The following EPHA6 variants were observed in gnomAD, a reference collection of about 807,000 sequenced individuals.
EPHA6 encodes EPH receptor A6.
In EPHA6, 50 loss-of-function variants were observed where a neutral mutation model predicts 112.0. That is an observed-to-expected ratio of 0.45 (90% CI 0.36 to 0.56). The LOEUF (loss-of-function observed/expected upper bound fraction) is 0.56. EPHA6 is among the 20% of genes least tolerant of loss of function. The pLI, the probability that EPHA6 is intolerant of heterozygous loss-of-function variation, is 0.00. For synonymous variants in EPHA6, 529 were observed against 490.7 expected (o/e 1.08, Z -1.03); for missense variants, 1,280 against 1,417.4 (o/e 0.90, Z 1.56).
At position 97,747,420 on chromosome 3, in the gene EPHA6, C is replaced by T; in HGVS notation, c.3129-3C>T. On this transcript the variant is annotated splice_region_variant and splice_polypyrimidine_tract_variant and intron_variant, in intron 16 of 17. Coordinates refer to ENST00000389672, the MANE Select transcript of EPHA6 (RefSeq NM_001080448.3). ...TGTTTTGTTTTGTTTTGTTTTCTTACAGAATGCCAGAGTCCCCTGGTGAAG... is the reference window on the plus strand; with the variant it reads ...TGTTTTGTTTTGTTTTGTTTTCTTATAGAATGCCAGAGTCCCCTGGTGAAG... The T allele has an allele frequency of 1.3e-6, 2 of 1,528,522 alleles. No individual in the cohort carries two copies. Among genetic ancestry groups the T allele is most frequent in the Admixed American group, 2.2e-5 (1 of 45,872 alleles). The allele number at this position is 1,528,522 out of a possible 1,614,324, so 94.7% of individuals were successfully genotyped here. A position where few individuals can be genotyped will look rare whatever the true frequency, so the allele number is the denominator to read the frequency against.
At chr3:97,104,276 G>A (rs567279554) in intron 3 of EPHA6, among the ~76,000 whole-genome samples, 1 of 152,228 alleles carries the variant, frequency 6.6e-6, no homozygotes, top group South Asian at 2.1e-4. Flanking sequence ...GATGTTGGCT[G>A]CAAGTTTGTC....
chr3:97,288,993 G>T (rs2080582356), intron 5 of EPHA6, among the ~76,000 whole-genome samples: 1 of 104,486 alleles, frequency 9.6e-6, no homozygotes, highest in African/African-American at 3.7e-5. Flanking sequence ...TTAGACTTTT[G>T]TCAGATACAT....
chr3:97,084,396 C>A (rs2046828710), intron 3 of EPHA6, among the ~76,000 whole-genome samples: 1 of 151,556 alleles, frequency 6.6e-6, no homozygotes, highest in Non-Finnish European at 1.5e-5. Flanking sequence ...CTTGGAATAA[C>A]ACAGACTCCT....
At chr3:97,554,729 C>T (rs183573145) in intron 11 of EPHA6, among the ~76,000 whole-genome samples, 2 of 152,074 alleles carry the variant, frequency 1.3e-5, no homozygotes, top group Admixed American at 1.3e-4. Flanking sequence ...AGAACAGTTC[C>T]TTGTGTCTGT....
At chr3:97,242,594 A>G (rs555523805) in intron 4 of EPHA6, among the ~76,000 whole-genome samples, 1 of 151,998 alleles carries the variant, frequency 6.6e-6, no homozygotes, top group East Asian at 1.9e-4. Context: ...AATGTCTACC[A>G]TGTCTTATCT....
chr3:97,570,023 G>A (rs1315076700), intron 11 of EPHA6: 2 of 151,866 alleles, frequency 1.3e-5, no homozygotes, highest in East Asian at 3.9e-4. Flanking sequence ...GTGTAGAATC[G>A]ACTCACACTG....
chr3:97,316,887 G>A (rs1343025520), intron 5 of EPHA6, among the ~76,000 whole-genome samples: 1 of 151,926 alleles, frequency 6.6e-6, no homozygotes, highest in East Asian at 1.9e-4. Context: ...GAGCCCAGAT[G>A]TTGTTAATTA....
intron 14 of EPHA6, among the ~76,000 whole-genome samples, chr3:97,650,665 A>T (rs2094101647): frequency 6.6e-6 from 1 of 151,928 alleles, no homozygotes; most frequent in Non-Finnish European, 1.5e-5. Flanking sequence ...AACCTAAAAA[A>T]CAAAAACAAG....
At chr3:97,533,439 A>G (rs961274404) in intron 11 of EPHA6, among the ~76,000 whole-genome samples, 3 of 152,138 alleles carry the variant, frequency 2.0e-5, no homozygotes, top group Non-Finnish European at 2.9e-5. Flanking sequence ...CTCACAAGGC[A>G]TTGTCCAACA....
intron 10 of EPHA6, among the ~76,000 whole-genome samples, chr3:97,496,775 A>G (rs1364789264): frequency 6.6e-6 from 1 of 152,054 alleles, no homozygotes; most frequent in Non-Finnish European, 1.5e-5. Flanking sequence ...GTAGGCTGAA[A>G]GTGAATTACC....
intron 2 of EPHA6, among the ~76,000 whole-genome samples, chr3:96,940,123 C>A (rs1206924923): frequency 6.6e-6 from 1 of 152,132 alleles, no homozygotes; most frequent in Non-Finnish European, 1.5e-5. Context: ...ATTAGGTCCA[C>A]TTGGTGCAGA....
intron 3 of EPHA6, among the ~76,000 whole-genome samples, chr3:97,099,978 TAAAAAC>T (rs2047355787): frequency 6.6e-6 from 1 of 151,984 alleles, no homozygotes; most frequent in South Asian, 2.1e-4. Flanking sequence ...TGGAGAAAAT[TAAAAAC>T]AAAGGAGTGT....
chr3:97,243,941 C>A lies in EPHA6; in HGVS notation c.1271-11C>A, dbSNP rs1327165910. ...TATATGTACATTTGTTTTTTAATTG[C>A]TTTTCTCTAGGGCCACCTTCAGCTC... On this transcript the variant is annotated splice_polypyrimidine_tract_variant and intron_variant, in intron 4 of 17. Coordinates refer to ENST00000389672, the MANE Select transcript of EPHA6 (RefSeq NM_001080448.3). 1 of 1,576,704 alleles carries A rather than the reference C, an allele frequency of 6.3e-7. No homozygotes were observed. Among genetic ancestry groups the A allele is most frequent in the Non-Finnish European group, 8.6e-7 (1 of 1,159,740 alleles).
At chr3:97,290,335 T>C (rs987046938) in intron 5 of EPHA6, among the ~76,000 whole-genome samples, 2 of 152,156 alleles carry the variant, frequency 1.3e-5, no homozygotes, top group East Asian at 3.8e-4. Flanking sequence ...TTTGAATCTA[T>C]TGACACTGAT....
intron 9 of EPHA6, chr3:97,481,193 G>T: frequency 2.8e-6 from 3 of 1,065,278 alleles, no homozygotes; most frequent in Non-Finnish European, 4.3e-6. Flanking sequence ...ATTTCCTCAT[G>T]AAGTACTGGA....
In EPHA6 at chr3:97,756,858, C is replaced by T. The variant is rs2036038654; in HGVS notation, c.*8157C>T. On this transcript the variant is annotated 3_prime_UTR_variant, in exon 18 of 18. Coordinates refer to ENST00000389672, the MANE Select transcript of EPHA6 (RefSeq NM_001080448.3). ...ATTCATTTTGTTAGTCACATTCCACCTTGGATTGTGACATTGAAAAACATT... is the reference window on the plus strand; with the variant it reads ...ATTCATTTTGTTAGTCACATTCCACTTTGGATTGTGACATTGAAAAACATT... 6.6e-6 allele frequency among the ~76,000 whole-genome samples: 1 copy of T among 151,648 alleles called. No homozygotes were observed. Among genetic ancestry groups the T allele is most frequent in the African/African-American group, 2.4e-5 (1 of 41,360 alleles).
intron 3 of EPHA6, among the ~76,000 whole-genome samples, chr3:97,092,346 T>C (rs1251049048): frequency 1.3e-4 from 20 of 152,024 alleles, no homozygotes; most frequent in African/African-American, 4.8e-4. Flanking sequence ...ATAGACAAAA[T>C]GTTAATCAAA....
At chr3:97,171,773 G>GA (rs1248156750) in intron 3 of EPHA6, among the ~76,000 whole-genome samples, 4 of 151,650 alleles carry the variant, frequency 2.6e-5, no homozygotes, top group African/African-American at 9.7e-5. Context: ...AAGATAATTT[G>GA]AAAAAAAGCC....
chr3:96,945,034 G>A (rs986258199), intron 2 of EPHA6, among the ~76,000 whole-genome samples: 3 of 152,022 alleles, frequency 2.0e-5, no homozygotes, highest in Non-Finnish European at 2.9e-5. Context: ...TATAATTTCA[G>A]CATTTCAGTT....
Sources: allele counts gnomAD v4.1 joint callset (sites outside exome capture counted in the v4.1 genomes callset), GRCh38; gene constraint gnomAD v4.1.1; transcripts MANE v1.5; gene names NCBI Gene and HGNC (gene_info 2026-07-23, HGNC 2026-07-21).